The following ACP3 variants were observed in gnomAD, a reference collection of about 807,000 sequenced individuals.
The protein encoded by ACP3 is acid phosphatase 3, also known as prostatic acid phosphatase.
A neutral mutation model predicts 45.6 loss-of-function variants in ACP3; 38 were observed. That is an observed-to-expected ratio of 0.83 (90% CI 0.64 to 1.09). The LOEUF (loss-of-function observed/expected upper bound fraction) is 1.09, where lower values mean the gene tolerates loss of function less well. ACP3 is among the 50% of genes least tolerant of loss of function. The pLI is 0.00. For missense variants in ACP3, 466 were observed against 463.2 expected, an observed-to-expected ratio of 1.01 and a Z score of -0.05; for synonymous variants, 162 against 164.7, an observed-to-expected ratio of 0.98 and a Z score of 0.13.
chr3:132,359,284 G>A (rs919502845), downstream of ACP3, among the ~76,000 whole-genome samples: 3 of 152,148 alleles, frequency 2.0e-5, no homozygotes, highest in African/African-American at 7.2e-5. Flanking sequence ...AGGCCAAGGT[G>A]GGCGGATCAC....
rs752691820 is a variant in ACP3 at position 132,352,773 on chromosome 3, C to T, written c.918C>T (p.Leu306=). 1 of 1,613,942 alleles carries T rather than the reference C, an allele frequency of 6.2e-7. No individual in the cohort carries two copies. Among genetic ancestry groups the T allele is most frequent in the Non-Finnish European group, 8.5e-7 (1 of 1,179,844 alleles). Residue 306 remains leucine (L), a synonymous_variant, in exon 9 of 10, where the codon CTC becomes CTT. Transcript: ENST00000336375. ...LQMALDVYNG[L]LPPYASCHLT... ...TGGCGCTAGATGTTTACAACGGACT[C>T]CTTCCTCCCTATGCTTCTTGCCACT...
chr3:132,367,724 G>A (rs2107826414), exon 11 of ACP3: 3 of 1,612,960 alleles, frequency 1.9e-6, no homozygotes, highest in East Asian at 4.5e-5. Context: ...CATCTTTGCT[G>A]TTGCCTTTTG....
At chr3:132,332,531 A>C in intron 4 of ACP3, 187 bp downstream of exon 4, 2 of 694,432 alleles carry the variant, frequency 2.9e-6, no homozygotes, top group Non-Finnish European at 4.6e-6. Flanking sequence ...GTAGGAACCA[A>C]ATTTCTCTTT....
chr3:132,324,904 G>T (rs1937270054), intron 1 of ACP3, among the ~76,000 whole-genome samples: 2 of 152,178 alleles, frequency 1.3e-5, no homozygotes, highest in Non-Finnish European at 2.9e-5. Flanking sequence ...GCCTCCCAAA[G>T]TGCTGGGATT....
At position 132,357,484 on chromosome 3, in the gene ACP3, G is replaced by C; in HGVS notation, c.*606G>C. ...TTTATATTTCTGTTAAAATATATGAGGCTACAGAACTAAAAATTAAAACCT... is the reference window on the plus strand; with the variant it reads ...TTTATATTTCTGTTAAAATATATGACGCTACAGAACTAAAAATTAAAACCT... On this transcript the variant is annotated 3_prime_UTR_variant, in exon 10 of 10. Transcript: ENST00000336375. 1.0e-6 allele frequency: 1 copy of C among 985,264 alleles called. No individual in the cohort carries two copies. Among genetic ancestry groups the C allele is most frequent in the Non-Finnish European group, 1.2e-6 (1 of 829,836 alleles). The allele number at this position is 985,264 out of a possible 1,614,324, so 61.0% of individuals were successfully genotyped here. A position where few individuals can be genotyped will look rare whatever the true frequency, so the allele number is the denominator to read the frequency against.
downstream of ACP3, among the ~76,000 whole-genome samples, chr3:132,360,892 G>T (rs1938028571): frequency 6.6e-6 from 1 of 152,154 alleles, no homozygotes; most frequent in Admixed American, 6.6e-5. Context: ...CTAGAACCTT[G>T]TGCCTTCAAT....
chr3:132,324,714 C>T (rs1576408104), intron 1 of ACP3, among the ~76,000 whole-genome samples: 2 of 152,330 alleles, frequency 1.3e-5, no homozygotes, highest in East Asian at 3.9e-4. Flanking sequence ...ACGATCTCGG[C>T]TTACTGCAAC....
intron 10 of ACP3, among the ~76,000 whole-genome samples, chr3:132,364,050 A>C (rs1448148821): frequency 1.3e-5 from 2 of 149,660 alleles, no homozygotes; most frequent in Non-Finnish European, 3.0e-5. Flanking sequence ...AGCACTCTAA[A>C]AACTGGCCCC....
intron 10 of ACP3, among the ~76,000 whole-genome samples, chr3:132,364,136 G>C (rs1369579138): frequency 6.6e-6 from 1 of 152,032 alleles, no homozygotes; most frequent in Non-Finnish European, 1.5e-5. Context: ...TTGAGCCCAA[G>C]AGTTTAGGAC....
At position 132,337,495 on chromosome 3, in the gene ACP3, G is replaced by A. The variant is rs930064679; in HGVS notation, c.496G>A (p.Glu166Lys). 16 of 1,611,356 alleles carry A rather than the reference G, an allele frequency of 9.9e-6. No homozygotes were observed. Among genetic ancestry groups the A allele is most frequent in the Non-Finnish European group, 1.3e-5 (15 of 1,177,922 alleles). Reference sequence around the variant, plus strand: ...TTTCAGGAACTGCCCTCGTTTTCAAGAACTTGAGAGTGAGACTTTGAAATC... The same window carrying A: ...TTTCAGGAACTGCCCTCGTTTTCAAAAACTTGAGAGTGAGACTTTGAAATC... ...LPFRNCPRFQ[E>K]LESETLKSEE... is the part of the protein sequence containing the mutation. The change falls in exon 5 of 10, where the codon GAA (glutamate) becomes AAA (lysine). Residue 166 changes from glutamate to lysine, a missense_variant. Physicochemically the swap from Glu to Lys is moderately conservative, Grantham distance 56. Transcript: ENST00000336375.
chr3:132,342,720 T>G (rs1937566632), intron 6 of ACP3, 76 bp downstream of exon 6: 1 of 891,352 alleles, frequency 1.1e-6, no homozygotes, highest in African/African-American at 1.7e-5. Context: ...TAGATGAATA[T>G]CTTTTCTTTC....
intron 8 of ACP3, among the ~76,000 whole-genome samples, chr3:132,351,652 G>C (rs554507233): frequency 6.6e-6 from 1 of 152,128 alleles, no homozygotes; most frequent in African/African-American, 2.4e-5. Flanking sequence ...GCCAATTTTC[G>C]TAGTGTCTAA....
At chr3:132,348,349 C>T (rs1473378293) in intron 7 of ACP3, among the ~76,000 whole-genome samples, 1 of 152,000 alleles carries the variant, frequency 6.6e-6, no homozygotes, top group Non-Finnish European at 1.5e-5. Context: ...ATTTAAAGCC[C>T]TCCTTCTCTG....
chr3:132,366,624 C>G (rs1430756756), intron 10 of ACP3, among the ~76,000 whole-genome samples: 1 of 152,004 alleles, frequency 6.6e-6, no homozygotes, highest in Non-Finnish European at 1.5e-5. Context: ...ATGGGGAGAT[C>G]AAGAGTTCAG....
At chr3:132,338,419 C>T (rs980567111) in intron 5 of ACP3, among the ~76,000 whole-genome samples, 1 of 151,804 alleles carries the variant, frequency 6.6e-6, no homozygotes, top group Non-Finnish European at 1.5e-5. Flanking sequence ...ATTTAACCAG[C>T]CCCTATTGAT....
At chr3:132,343,695 A>C (rs1937576212) in intron 6 of ACP3, among the ~76,000 whole-genome samples, 1 of 152,108 alleles carries the variant, frequency 6.6e-6, no homozygotes, top group African/African-American at 2.4e-5. Flanking sequence ...CTGCCTTTGA[A>C]ACTGGGGGAC....
rs758053923 is a variant in ACP3 at position 132,332,244 on chromosome 3, A to G, written c.356A>G (p.Asn119Ser). The G allele has an allele frequency of 1.7e-5, 27 of 1,613,984 alleles. No individual in the cohort carries two copies. Among genetic ancestry groups the G allele is most frequent in the Non-Finnish European group, 2.3e-5 (27 of 1,180,022 alleles). The change falls in exon 4 of 10, where the codon AAC (asparagine) becomes AGC (serine). Residue 119 changes from asparagine (N) to serine (S), a missense_variant. By Grantham distance (46) the Asn-to-Ser change is conservative. Coordinates refer to ENST00000336375, the MANE Select transcript of ACP3 (RefSeq NM_001099.5). Reference sequence around the variant, plus strand: ...CGGACTTTGATGAGTGCTATGACAAACCTGGCAGCCCTGTTTCCCCCAGAA... The same window carrying G: ...CGGACTTTGATGAGTGCTATGACAAGCCTGGCAGCCCTGTTTCCCCCAGAA... ...VDRTLMSAMT[N>S]LAALFPPEGV...
In ACP3 at chr3:132,317,411, T is replaced by C. The variant is rs1478011779; in HGVS notation, c.-46T>C. 6 of 1,593,296 alleles carry C rather than the reference T, an allele frequency of 3.8e-6. No homozygotes were observed. The South Asian group carries it at 6.9e-5, about 18-fold the overall frequency. On this transcript the variant is annotated 5_prime_UTR_variant, in exon 1 of 10. Coordinates refer to ENST00000336375, the MANE Select transcript of ACP3 (RefSeq NM_001099.5). ...GCTTCCCCTCTACAGGCTTTTGAAG[T>C]GGTAGCAGTTCCTCCTAACTCCTGC...
At chr3:132,330,165 C>T (rs1368707179) in intron 2 of ACP3, among the ~76,000 whole-genome samples, 1 of 152,082 alleles carries the variant, frequency 6.6e-6, no homozygotes, top group Admixed American at 6.5e-5. Context: ...GGCAATCCAC[C>T]CGCCTTGGCC....
Sources: allele counts gnomAD v4.1 joint callset (sites outside exome capture counted in the v4.1 genomes callset), GRCh38; gene constraint gnomAD v4.1.1; transcripts MANE v1.5; gene names NCBI Gene and HGNC (gene_info 2026-07-23, HGNC 2026-07-21).